The following EPB41L1 variants were observed in gnomAD, a reference collection of about 807,000 sequenced individuals.
The protein encoded by EPB41L1 is erythrocyte membrane protein band 4.1 like 1, also known as band 4.1-like protein 1.
EPB41L1 carries 29 observed loss-of-function variants against 97.8 expected under a neutral mutation model. The ratio of observed to expected loss-of-function variants is 0.30; its 90% CI spans 0.22 to 0.40. EPB41L1 has a LOEUF of 0.40. Ranked by LOEUF, EPB41L1 falls within the 10% of genes least tolerant of loss-of-function variation. The pLI is 1.00. For synonymous variants in EPB41L1, 383 were observed against 459.2 expected, an observed-to-expected ratio of 0.83 and a Z score of 2.12; for missense variants, 812 against 1,162.3, an observed-to-expected ratio of 0.70 and a Z score of 4.38.
intron 21 of EPB41L1, among the ~76,000 whole-genome samples, chr20:36,226,191 GA>G (rs1258498707): frequency 6.6e-6 from 1 of 152,208 alleles, no homozygotes; most frequent in Non-Finnish European, 1.5e-5. Flanking sequence ...TGGCTTAATG[GA>G]TGGATGCCTC....
rs773934976 is a variant in EPB41L1, at chr20:36,177,960, C to T, written c.351C>T (p.Gly117=). 9.3e-6 allele frequency: 15 copies of T among 1,614,084 alleles called. No homozygotes were observed. Among genetic ancestry groups the T allele is most frequent in the African/African-American group, 1.3e-5 (1 of 75,062 alleles). ...SEYECEVEKH[G]RGQVLFDLVC... is the part of the protein sequence containing the mutation. ...TCTGCTTCCCTCCTTAGAAACATGG[C>T]CGGGGCCAGGTGCTGTTTGACCTGG... Residue 117 remains glycine (G), a synonymous_variant, in exon 4 of 22, where the codon GGC becomes GGT. Coordinates refer to ENST00000338074, the MANE Select transcript of EPB41L1 (RefSeq NM_012156.2).
chr20:36,206,243 G>C lies in EPB41L1; in HGVS notation c.1669-3245G>C, dbSNP rs1600951247. 1.6e-6 allele frequency: 2 copies of C among 1,289,938 alleles called. No individual in the cohort carries two copies. Among genetic ancestry groups the C allele is most frequent in the South Asian group, 1.2e-5 (1 of 81,032 alleles). 79.9% of individuals were successfully genotyped at this position (1,289,938 alleles called of 1,614,324 possible). ...AGAGAGGCAACCATCAGGAACCGCT[G>C]CATGTCAGATGGTCAGCCGGAGGGC... On this transcript the variant is annotated intron_variant, in intron 14 of 21. Transcript: ENST00000338074. This position sits in a 1 kb window ranked among gnomAD's most constrained non-coding sequence, Gnocchi z 5.5.
chr20:36,177,006 C>G (rs965716005), intron 3 of EPB41L1, among the ~76,000 whole-genome samples: 1 of 152,194 alleles, frequency 6.6e-6, no homozygotes, highest in South Asian at 2.1e-4. Context: ...TCTTCTATGT[C>G]CTCTCTCCTA....
rs962261131 is a variant in EPB41L1, at chr20:36,169,245, A to G, written c.-14-4519A>G. ...TCAAAAAAAAAAAAAAAAAAGTGGC[A>G]ACTCCGGCTCAGAAAAGTGAAGTCA... On this transcript the variant is annotated intron_variant, in intron 1 of 21. Transcript: ENST00000338074. Among the ~76,000 whole-genome samples the G allele has an allele frequency of 6.6e-5, 10 of 150,564 alleles. No individual in the cohort carries two copies. In the East Asian group the frequency reaches 2.0e-3, roughly 29 times the overall value.
Position 36,195,806 on chromosome 20 carries a change from G to A in EPB41L1, c.1485+442G>A, listed in dbSNP as rs2146483317. On this transcript the variant is annotated intron_variant, in intron 13 of 21. Transcript: ENST00000338074. This position sits in a 1 kb window ranked among gnomAD's most constrained non-coding sequence, Gnocchi z 4.6. ...CGCCTCCATCTCGTCTGTGTCCCCT[G>A]TGTCCTCACCCCTAGCTTCTTTTTG... Among the ~76,000 whole-genome samples the A allele has an allele frequency of 6.6e-6, 1 of 152,138 alleles. No individual in the cohort carries two copies. Among genetic ancestry groups the A allele is most frequent in the South Asian group, 2.1e-4 (1 of 4,802 alleles).
intron 18 of EPB41L1, among the ~76,000 whole-genome samples, chr20:36,219,169 A>G (rs561000100): frequency 9.6e-4 from 146 of 152,280 alleles, no homozygotes; most frequent in African/African-American, 3.4e-3. Context: ...CCGCCCACAC[A>G]TGTAAGTGGG....
chr20:36,119,418 C>T (rs1177929510), intron 2 of EPB41L1, among the ~76,000 whole-genome samples: 1 of 152,084 alleles, frequency 6.6e-6, no homozygotes, highest in African/African-American at 2.4e-5. Context: ...GCCTGGCCAA[C>T]ATGTGAAACC....
chr20:36,210,930 G>A (rs1020315124), intron 15 of EPB41L1, among the ~76,000 whole-genome samples: 4 of 152,184 alleles, frequency 2.6e-5, no homozygotes, highest in Admixed American at 6.5e-5. Context: ...GCCAGGCACA[G>A]TGGCTTGTGC....
chr20:36,109,556 G>A (rs2058319571), intron 1 of EPB41L1: 2 of 152,244 alleles, frequency 1.3e-5, no homozygotes, highest in Admixed American at 1.3e-4. Flanking sequence ...GTTATTCCAT[G>A]TGCCTCAAGG....
intron 1 of EPB41L1, among the ~76,000 whole-genome samples, chr20:36,110,374 G>A (rs1273655054): frequency 3.3e-5 from 5 of 152,200 alleles, no homozygotes; most frequent in Admixed American, 3.3e-4. Context: ...AGCTGATTCT[G>A]TTTGCTTAGA....
intron 1 of EPB41L1, among the ~76,000 whole-genome samples, chr20:36,111,312 T>G (rs1265048061): frequency 1.3e-5 from 2 of 152,206 alleles, no homozygotes; most frequent in Non-Finnish European, 2.9e-5. Context: ...GAACACCTCA[T>G]CCCACCTGGA....
At chr20:36,219,002 C>T in intron 18 of EPB41L1, 40 bp downstream of exon 18, 10 of 1,595,020 alleles carry the variant, frequency 6.3e-6, no homozygotes, top group Non-Finnish European at 8.6e-6. Flanking sequence ...GGACTCCACA[C>T]TGAGAATATG....
intron 2 of EPB41L1, among the ~76,000 whole-genome samples, chr20:36,116,160 A>G (rs985998402): frequency 6.6e-6 from 1 of 152,194 alleles, no homozygotes; most frequent in African/African-American, 2.4e-5. Flanking sequence ...GGAAAAATGC[A>G]ACTGGAGTTT....
intron 1 of EPB41L1, among the ~76,000 whole-genome samples, chr20:36,167,459 C>A (rs955374946): frequency 2.0e-5 from 3 of 152,146 alleles, no homozygotes; most frequent in African/African-American, 7.2e-5. Context: ...GTAATCCCAG[C>A]ACTTTAGGAG....
chr20:36,110,285 CAG>C (rs1405823459), intron 1 of EPB41L1, among the ~76,000 whole-genome samples: 1 of 152,092 alleles, frequency 6.6e-6, no homozygotes, highest in African/African-American at 2.4e-5. Context: ...GTCGAAGAAA[CAG>C]AGATGAGAGA....
At chr20:36,143,828 GTTTTCT>G (rs754628725) in intron 2 of EPB41L1, among the ~76,000 whole-genome samples, 2 of 151,322 alleles carry the variant, frequency 1.3e-5, no homozygotes, top group African/African-American at 4.9e-5. Flanking sequence ...CCGATAAAAG[GTTTTCT>G]TTTTCTTTTT....
chr20:36,229,299 C>T (rs1381923300), intron 21 of EPB41L1, 33 bp from the exon 22 acceptor site: 2 of 1,573,834 alleles, frequency 1.3e-6, no homozygotes, highest in Non-Finnish European at 1.7e-6. Context: ...CCACTCCCCA[C>T]CCCCCATTCT....
At chr20:36,176,048 G>A (rs927106305) in intron 3 of EPB41L1, among the ~76,000 whole-genome samples, 21 of 152,208 alleles carry the variant, frequency 1.4e-4, no homozygotes, top group African/African-American at 4.6e-4. Flanking sequence ...TATTCACCCA[G>A]GAGAGACTGA....
At chr20:36,118,465 G>A (rs2058654388) in intron 2 of EPB41L1, among the ~76,000 whole-genome samples, 1 of 152,146 alleles carries the variant, frequency 6.6e-6, no homozygotes. Context: ...CAGAAAAGTA[G>A]CACCTGGGCC....
Sources: allele counts gnomAD v4.1 joint callset (sites outside exome capture counted in the v4.1 genomes callset), GRCh38; gene constraint gnomAD v4.1.1; non-coding constraint Gnocchi (gnomAD v3.1); transcripts MANE v1.5; gene names NCBI Gene and HGNC (gene_info 2026-07-23, HGNC 2026-07-21).